Variants in CDH12 observed in about 807,000 individuals in gnomAD.
The protein encoded by CDH12 is cadherin-12.
CDH12 carries 41 observed loss-of-function variants against 74.1 expected under a neutral mutation model. The ratio of observed to expected loss-of-function variants is 0.55; its 90% confidence interval spans 0.43 to 0.72. The LOEUF is 0.72. CDH12 is among the 30% of genes least tolerant of loss of function. CDH12 has a pLI of 0.00. For synonymous variants in CDH12, 399 were observed against 355.0 expected, an observed-to-expected ratio of 1.12 and a Z score of -1.39; for missense variants, 945 against 977.2, an observed-to-expected ratio of 0.97 and a Z score of 0.44.
At chr5:22,558,229 T>C (rs1194703900) in intron 1 of CDH12, among the ~76,000 whole-genome samples, 1 of 151,784 alleles carries the variant, frequency 6.6e-6, no homozygotes, top group African/African-American at 2.4e-5. Flanking sequence ...GAGGTAGAAG[T>C]TACAAGGAAA....
intron 5 of CDH12, among the ~76,000 whole-genome samples, chr5:22,000,758 A>G (rs1377259138): frequency 1.3e-5 from 2 of 152,204 alleles, no homozygotes; most frequent in East Asian, 3.9e-4. Flanking sequence ...TTTACGTGCC[A>G]TACATGTAAA....
At chr5:22,763,416 C>A (rs75134604) in intron 1 of CDH12, among the ~76,000 whole-genome samples, 7,738 of 151,906 alleles carry the variant, frequency 0.051, 315 homozygotes, top group East Asian at 0.13. Context: ...TTATCATGTA[C>A]ATAATTTAAT....
rs550130950 is a variant in CDH12, at chr5:22,214,742, C to T, written c.-332-2099G>A. ...CATCACCAACTAAAACAGGTGCACA[C>T]GAAACTTTGTGCCATAGTAGATGGG... On this transcript the variant is annotated intron_variant, in intron 3 of 14. Transcript: ENST00000382254. Among the ~76,000 whole-genome samples, 24 of 152,288 alleles carry T rather than the reference C, an allele frequency of 1.6e-4. No homozygotes were observed. In the East Asian group the frequency reaches 3.7e-3, roughly 23 times the overall value.
At chr5:22,347,239 G>T (rs559240570) in intron 3 of CDH12, among the ~76,000 whole-genome samples, 1 of 152,206 alleles carries the variant, frequency 6.6e-6, no homozygotes, top group South Asian at 2.1e-4. Context: ...ACTGGGAGAG[G>T]GAGACCCATC....
chr5:22,026,188 G>A (rs960685804), intron 5 of CDH12, among the ~76,000 whole-genome samples: 1 of 152,110 alleles, frequency 6.6e-6, no homozygotes, highest in Non-Finnish European at 1.5e-5. Flanking sequence ...CAGGCACTTA[G>A]TGAGGGAACA....
intron 1 of CDH12, among the ~76,000 whole-genome samples, chr5:22,636,322 A>C (rs1219579155): frequency 6.6e-6 from 1 of 152,192 alleles, no homozygotes; most frequent in East Asian, 1.9e-4. Context: ...CTAAGTGTAC[A>C]TGCAAGAGAC....
At chr5:22,063,960 C>T (rs1741375055) in intron 5 of CDH12, among the ~76,000 whole-genome samples, 1 of 149,462 alleles carries the variant, frequency 6.7e-6, no homozygotes, top group Non-Finnish European at 1.5e-5. Context: ...TCTCATATAT[C>T]AGAAACTGAC....
chr5:21,842,363 T>C lies in CDH12; in HGVS notation c.647-35A>G, dbSNP rs376635192. 31 of 1,392,496 alleles carry C rather than the reference T, an allele frequency of 2.2e-5. No individual in the cohort carries two copies. In the African/African-American group the frequency reaches 4.3e-4, roughly 19 times the overall value. The allele number at this position is 1,392,496 out of a possible 1,614,324, so 86.3% of individuals were successfully genotyped here. On this transcript the variant is annotated intron_variant, in intron 7 of 14. Coordinates refer to ENST00000382254, the MANE Select transcript of CDH12 (RefSeq NM_004061.5). ...TAAAAGCAATAATGTAAAATAAATA[T>C]CACAAATGCTCTGTTTTCTGAAATA...
At chr5:21,815,769 A>G (rs1328002885) in intron 9 of CDH12, among the ~76,000 whole-genome samples, 1 of 152,174 alleles carries the variant, frequency 6.6e-6, no homozygotes, top group Non-Finnish European at 1.5e-5. Context: ...TGTGATATCA[A>G]CCAACATTGT....
intron 3 of CDH12, among the ~76,000 whole-genome samples, chr5:22,356,400 T>G (rs1287997092): frequency 2.0e-5 from 3 of 152,182 alleles, no homozygotes; most frequent in Non-Finnish European, 4.4e-5. Context: ...TGTTAATCAT[T>G]CCATTTACAA....
At chr5:21,776,136 C>T (rs1329636200) in intron 11 of CDH12, among the ~76,000 whole-genome samples, 1 of 152,146 alleles carries the variant, frequency 6.6e-6, no homozygotes, top group African/African-American at 2.4e-5. Context: ...TGCCAGCTGC[C>T]ATGTTACAAA....
At chr5:22,509,224 C>G (rs984301385) in intron 1 of CDH12, among the ~76,000 whole-genome samples, 1 of 152,138 alleles carries the variant, frequency 6.6e-6, no homozygotes, top group African/African-American at 2.4e-5. Context: ...ACTCTAATAA[C>G]TATTTCTTTC....
At position 21,909,387 on chromosome 5, in the gene CDH12, A is replaced by T. The variant is rs888844547; in HGVS notation, c.527-54597T>A. Among the ~76,000 whole-genome samples, 4 of 152,300 alleles carry T rather than the reference A, an allele frequency of 2.6e-5. No individual in the cohort carries two copies. In the East Asian group the frequency reaches 7.7e-4, roughly 29 times the overall value. The stretch of plus-strand genomic sequence containing the variant: ...GCCTCTGCTGAGATGCATGAAGGTA[A>T]ATCTGAACTATCTCCAAGAAAACAG... On this transcript the variant is annotated intron_variant, in intron 6 of 14. Coordinates refer to ENST00000382254, the MANE Select transcript of CDH12 (RefSeq NM_004061.5).
At chr5:22,381,695 A>G (rs1741765304) in intron 3 of CDH12, among the ~76,000 whole-genome samples, 1 of 151,936 alleles carries the variant, frequency 6.6e-6, no homozygotes, top group African/African-American at 2.4e-5. Flanking sequence ...TTAGTTTTGG[A>G]TGCATAATGA....
At chr5:21,837,098 T>C (rs563012941) in intron 8 of CDH12, among the ~76,000 whole-genome samples, 124 of 152,082 alleles carry the variant, frequency 8.2e-4, no homozygotes, top group African/African-American at 2.8e-3. Context: ...CCTTGCTCCT[T>C]TATTTTCAAA....
chr5:22,326,505 G>T (rs1439129475), intron 3 of CDH12, among the ~76,000 whole-genome samples: 2 of 152,162 alleles, frequency 1.3e-5, no homozygotes, highest in African/African-American at 4.8e-5. Flanking sequence ...AAAGTGCTGG[G>T]ATTACAGGCG....
intron 1 of CDH12, among the ~76,000 whole-genome samples, chr5:22,655,005 C>T (rs1374650834): frequency 2.0e-5 from 3 of 152,238 alleles, no homozygotes; most frequent in Admixed American, 6.5e-5. Context: ...AATAGGCAAC[C>T]GTCCTTAAAA....
chr5:22,283,045 A>C (rs1018993389), intron 3 of CDH12, among the ~76,000 whole-genome samples: 1 of 152,022 alleles, frequency 6.6e-6, no homozygotes, highest in African/African-American at 2.4e-5. Flanking sequence ...TACACCATGG[A>C]ATACTATGCA....
At chr5:21,944,599 G>A (rs999898400) in intron 6 of CDH12, among the ~76,000 whole-genome samples, 18 of 152,094 alleles carry the variant, frequency 1.2e-4, no homozygotes, top group African/African-American at 3.4e-4. Flanking sequence ...TTTAAGCCAC[G>A]AGAATAAGTA....
Sources: allele counts gnomAD v4.1 joint callset (sites outside exome capture counted in the v4.1 genomes callset), GRCh38; gene constraint gnomAD v4.1.1; transcripts MANE v1.5; gene names NCBI Gene and HGNC (gene_info 2026-07-23, HGNC 2026-07-21).